TSHZ2: variants seen among roughly 807,000 people sequenced by gnomAD.
TSHZ2 encodes the protein teashirt homolog 2.
A neutral mutation model predicts 74.4 loss-of-function variants in TSHZ2; 21 were observed. The ratio of observed to expected loss-of-function variants is 0.28; its 90% CI spans 0.20 to 0.41. The LOEUF (loss-of-function observed/expected upper bound fraction) is 0.41, where lower values mean the gene tolerates loss of function less well. TSHZ2 is among the 10% of genes least tolerant of loss of function. The pLI is 1.00. For missense variants in TSHZ2, 1,244 were observed against 1,293.5 expected, an observed-to-expected ratio of 0.96 and a Z score of 0.59; for synonymous variants, 540 against 515.3, an observed-to-expected ratio of 1.05 and a Z score of -0.65.
chr20:53,155,321 A>G (rs1405300455), intron 1 of TSHZ2, among the ~76,000 whole-genome samples: 1 of 152,068 alleles, frequency 6.6e-6, no homozygotes, highest in African/African-American at 2.4e-5. Flanking sequence ...GAAACCAAGA[A>G]GGGATAGTTC....
At chr20:53,121,113 G>A (rs1372402025) in intron 1 of TSHZ2, among the ~76,000 whole-genome samples, 1 of 151,966 alleles carries the variant, frequency 6.6e-6, no homozygotes, top group Non-Finnish European at 1.5e-5. Flanking sequence ...TTTCTATTTG[G>A]GGAAAAATTA....
intron 2 of TSHZ2, among the ~76,000 whole-genome samples, chr20:53,432,234 T>C (rs531004475): frequency 3.9e-4 from 59 of 152,348 alleles, no homozygotes; most frequent in African/African-American, 1.4e-3. Flanking sequence ...ATTTGGTTTT[T>C]CCATTCCTGA....
rs1164014848 is a variant in TSHZ2 at position 53,207,158 on chromosome 20, T to C, written c.41-46341T>C. Among the ~76,000 whole-genome samples the C allele has an allele frequency of 2.6e-5, 4 of 152,170 alleles. No homozygotes were observed. In the East Asian group the frequency reaches 7.7e-4, roughly 29 times the overall value. ...GCCCTAATAAACATACAGTTGTTCC[T>C]GTTTCAGCCTGCCCTGTTTGAAATT... On this transcript the variant is annotated intron_variant, in intron 1 of 2. Coordinates refer to ENST00000371497, the MANE Select transcript of TSHZ2 (RefSeq NM_173485.6).
chr20:53,404,949 C>T (rs530602105), intron 2 of TSHZ2, among the ~76,000 whole-genome samples: 2 of 152,286 alleles, frequency 1.3e-5, no homozygotes, highest in East Asian at 3.9e-4. Flanking sequence ...TCTTCGACAT[C>T]CAATTTAAAA....
chr20:53,181,934 A>AG (rs1461030903), intron 1 of TSHZ2, among the ~76,000 whole-genome samples: 1 of 152,228 alleles, frequency 6.6e-6, no homozygotes, highest in African/African-American at 2.4e-5. Flanking sequence ...TTTTAAAAAA[A>AG]TTAAATGAAT....
intron 1 of TSHZ2, among the ~76,000 whole-genome samples, chr20:53,200,601 A>C (rs1988979805): frequency 6.6e-6 from 1 of 152,176 alleles, no homozygotes; most frequent in South Asian, 2.1e-4. Context: ...ATGTTCTGTA[A>C]GACTTCTTAC....
chr20:52,994,939 A>G (rs1430280601), intron 1 of TSHZ2, among the ~76,000 whole-genome samples: 1 of 152,204 alleles, frequency 6.6e-6, no homozygotes, highest in Admixed American at 6.5e-5. Flanking sequence ...TCAATTGAGC[A>G]GGTAGACTAT....
chr20:53,048,402 A>C (rs903166199), intron 1 of TSHZ2, among the ~76,000 whole-genome samples: 3 of 152,144 alleles, frequency 2.0e-5, no homozygotes, highest in Non-Finnish European at 2.9e-5. Flanking sequence ...TCTGTCTGGG[A>C]AGGCATTCCC....
chr20:53,197,007 C>G (rs1206109699), intron 1 of TSHZ2, among the ~76,000 whole-genome samples: 2 of 152,230 alleles, frequency 1.3e-5, no homozygotes, highest in Non-Finnish European at 2.9e-5. Context: ...AAGTTGCCTT[C>G]CTCCTTCCTA....
chr20:53,428,741 C>T (rs569004634), intron 2 of TSHZ2, among the ~76,000 whole-genome samples: 1 of 152,120 alleles, frequency 6.6e-6, no homozygotes, highest in Non-Finnish European at 1.5e-5. Context: ...ATGACCTGGG[C>T]GGGCCTAACT....
At chr20:53,309,092 GA>G (rs1179042834) in intron 2 of TSHZ2, among the ~76,000 whole-genome samples, 1 of 152,186 alleles carries the variant, frequency 6.6e-6, no homozygotes, top group Non-Finnish European at 1.5e-5. Flanking sequence ...CACCACCCCC[GA>G]AAATGGCAAA....
At chr20:53,365,101 C>T (rs142291424) in intron 2 of TSHZ2, among the ~76,000 whole-genome samples, 6 of 152,302 alleles carry the variant, frequency 3.9e-5, no homozygotes, top group Non-Finnish European at 7.3e-5. Flanking sequence ...TAAAGATGCC[C>T]AACTCTACAC....
intron 2 of TSHZ2, among the ~76,000 whole-genome samples, chr20:53,264,104 T>C (rs1293186240): frequency 1.3e-5 from 2 of 152,256 alleles, no homozygotes; most frequent in African/African-American, 4.8e-5. Context: ...ACAATACTCA[T>C]TGCCGGCGTA....
intron 1 of TSHZ2, among the ~76,000 whole-genome samples, chr20:53,020,349 G>A (rs1983197012): frequency 6.6e-6 from 1 of 151,798 alleles, no homozygotes; most frequent in South Asian, 2.1e-4. Flanking sequence ...ATTTTACTTA[G>A]CATGGCATCC....
chr20:53,224,843 C>G (rs1989644613), intron 1 of TSHZ2, among the ~76,000 whole-genome samples: 1 of 144,652 alleles, frequency 6.9e-6, no homozygotes, highest in South Asian at 2.3e-4. Flanking sequence ...GAGCAAGACT[C>G]CATCTCAAAA....
At chr20:53,220,410 G>T (rs1490296472) in intron 1 of TSHZ2, among the ~76,000 whole-genome samples, 3 of 152,222 alleles carry the variant, frequency 2.0e-5, no homozygotes, top group African/African-American at 7.2e-5. Context: ...AAAGCTCCCT[G>T]TTGATGAGAA....
At chr20:53,264,734 A>AT (rs963284612) in intron 2 of TSHZ2, among the ~76,000 whole-genome samples, 8 of 151,824 alleles carry the variant, frequency 5.3e-5, no homozygotes, top group Non-Finnish European at 7.4e-5. Flanking sequence ...ATATGTGTTG[A>AT]TTTTTTTTTA....
intron 2 of TSHZ2, among the ~76,000 whole-genome samples, chr20:53,285,030 A>G (rs933394956): frequency 1.3e-5 from 2 of 152,206 alleles, no homozygotes; most frequent in African/African-American, 4.8e-5. Flanking sequence ...GCTGTTCAGC[A>G]GAGTCAGAAG....
chr20:53,095,822 G>A (rs769103072), intron 1 of TSHZ2, among the ~76,000 whole-genome samples: 31 of 152,086 alleles, frequency 2.0e-4, no homozygotes, highest in Non-Finnish European at 3.5e-4. Context: ...ACGGCCCCCA[G>A]TTGAGAACCA....
Sources: gnomAD v4.1 joint callset for allele counts (sites outside exome capture counted in the v4.1 genomes callset) on GRCh38, gnomAD v4.1.1 for gene constraint, MANE v1.5 for transcripts, NCBI Gene and HGNC (gene_info 2026-07-23, HGNC 2026-07-21) for gene names.